Variants in CCSER1 observed in about 807,000 individuals in gnomAD.
The protein encoded by CCSER1 is coiled-coil serine rich protein 1.
In CCSER1, 41 loss-of-function variants were observed where a neutral mutation model predicts 82.0. The observed-to-expected ratio is 0.50, with a 90% CI of 0.39 to 0.65. CCSER1 has a LOEUF of 0.65. CCSER1 is among the 30% of genes least tolerant of loss of function. CCSER1 has a pLI of 0.00. For missense variants in CCSER1, 1,119 were observed against 1,064.2 expected (o/e 1.05, Z -0.72); for synonymous variants, 414 against 383.9 (o/e 1.08, Z -0.92).
intron 10 of CCSER1, among the ~76,000 whole-genome samples, chr4:91,453,488 T>C (rs1043975816): frequency 6.6e-6 from 1 of 152,052 alleles, no homozygotes; most frequent in Non-Finnish European, 1.5e-5. Flanking sequence ...CCAGAGCACT[T>C]TTCTCCTAAA....
intron 1 of CCSER1, among the ~76,000 whole-genome samples, chr4:90,210,445 CTTTTCTTTTTTT>C (rs1739751183): frequency 9.0e-6 from 1 of 111,310 alleles, no homozygotes; most frequent in South Asian, 3.2e-4. Context: ...CTTTTCTTTT[CTTTTCTTTTTTT>C]TTTTTGGACA....
intron 10 of CCSER1, among the ~76,000 whole-genome samples, chr4:91,504,588 C>T (rs766445148): frequency 6.6e-6 from 1 of 151,600 alleles, no homozygotes; most frequent in African/African-American, 2.4e-5. Context: ...TAAAATAATA[C>T]TAGATAATAA....
intron 5 of CCSER1, among the ~76,000 whole-genome samples, chr4:90,547,142 T>C (rs1776855736): frequency 2.0e-5 from 3 of 148,708 alleles, no homozygotes; most frequent in African/African-American, 7.5e-5. Context: ...TTTAGAAAAA[T>C]TAATTTCATG....
chr4:91,149,397 G>A (rs748898016), intron 10 of CCSER1, among the ~76,000 whole-genome samples: 45 of 152,308 alleles, frequency 3.0e-4, no homozygotes, highest in Non-Finnish European at 4.7e-4. Context: ...CAGATGGGTA[G>A]ATTGCAAAAA....
At chr4:90,230,756 T>G (rs1264697352) in intron 1 of CCSER1, among the ~76,000 whole-genome samples, 3 of 150,594 alleles carry the variant, frequency 2.0e-5, no homozygotes, top group Non-Finnish European at 4.4e-5. Context: ...GAGAGAAGAA[T>G]CAAATAGACG....
intron 10 of CCSER1, among the ~76,000 whole-genome samples, chr4:91,571,998 A>C (rs1230708350): frequency 6.6e-6 from 1 of 152,094 alleles, no homozygotes; most frequent in African/African-American, 2.4e-5. Context: ...GCAGTTCTGC[A>C]GCAGAGGCAG....
chr4:90,659,123 A>T (rs1396358645), intron 6 of CCSER1, among the ~76,000 whole-genome samples: 6 of 150,498 alleles, frequency 4.0e-5, no homozygotes, highest in Non-Finnish European at 7.4e-5. Flanking sequence ...AATAATGAAG[A>T]TCTACTCCTA....
intron 4 of CCSER1, among the ~76,000 whole-genome samples, chr4:90,408,129 C>A (rs866226153): frequency 1.3e-5 from 2 of 152,190 alleles, no homozygotes; most frequent in Non-Finnish European, 2.9e-5. Flanking sequence ...CTAAACAGAG[C>A]GGCTGGGAAG....
At chr4:90,612,260 T>G (rs920972633) in intron 5 of CCSER1, among the ~76,000 whole-genome samples, 4 of 152,156 alleles carry the variant, frequency 2.6e-5, no homozygotes, top group African/African-American at 9.6e-5. Context: ...GGTGGAATAC[T>G]AAAAAGATCA....
At chr4:91,213,127 T>C (rs1453735201) in intron 10 of CCSER1, among the ~76,000 whole-genome samples, 1 of 152,130 alleles carries the variant, frequency 6.6e-6, no homozygotes, top group Non-Finnish European at 1.5e-5. Context: ...CTTTTTTAAA[T>C]CTAATCCACT....
rs188755217 is a variant in CCSER1 at position 90,309,562 on chromosome 4, T to C, written c.1278T>C (p.His426=). The change falls in exon 2 of 11, where the codon CAT becomes CAC. Residue 426 remains histidine, a synonymous_variant. Transcript: ENST00000509176. ...TAATACCTACTTCTGGTGATCATCA[T>C]ATTTTTAACAAAACATCACATGGAT... is the stretch of plus-strand genomic sequence containing the variant. ...SKIIPTSGDH[H]IFNKTSHGYE... is the part of the protein sequence containing the mutation. The C allele has an allele frequency of 8.6e-4, 1,376 of 1,605,026 alleles. 1 individual carries two copies. Among genetic ancestry groups the C allele is most frequent in the Non-Finnish European group, 1.1e-3 (1,274 of 1,177,078 alleles).
At chr4:91,560,230 T>C (rs2110250610) in intron 10 of CCSER1, among the ~76,000 whole-genome samples, 1 of 151,652 alleles carries the variant, frequency 6.6e-6, no homozygotes, top group African/African-American at 2.4e-5. Context: ...TCCAATTCTT[T>C]CTCAGTTTAC....
intron 1 of CCSER1, among the ~76,000 whole-genome samples, chr4:90,144,191 C>G (rs1245481675): frequency 1.3e-5 from 2 of 152,160 alleles, no homozygotes; most frequent in African/African-American, 4.8e-5. Flanking sequence ...TAATTCACAG[C>G]TTTCCTGAAT....
At chr4:91,297,838 A>G (rs1002520835) in intron 10 of CCSER1, among the ~76,000 whole-genome samples, 1 of 152,060 alleles carries the variant, frequency 6.6e-6, no homozygotes, top group Non-Finnish European at 1.5e-5. Flanking sequence ...TACTTGAGGA[A>G]AAGTGGTAAA....
intron 5 of CCSER1, among the ~76,000 whole-genome samples, chr4:90,599,922 T>C (rs1783835392): frequency 6.6e-6 from 1 of 152,220 alleles, no homozygotes; most frequent in Non-Finnish European, 1.5e-5. Context: ...TTTCTGTCAC[T>C]AAACACTAAT....
intron 10 of CCSER1, among the ~76,000 whole-genome samples, chr4:91,233,986 C>A (rs185935061): frequency 2.6e-5 from 4 of 151,930 alleles, no homozygotes; most frequent in Admixed American, 2.6e-4. Flanking sequence ...GTGAACTCTT[C>A]TAGAAATGCA....
At chr4:90,344,913 T>C (rs1579298726) in intron 3 of CCSER1, among the ~76,000 whole-genome samples, 2 of 152,138 alleles carry the variant, frequency 1.3e-5, no homozygotes, top group Non-Finnish European at 2.9e-5. Flanking sequence ...TACTTTCTCG[T>C]TGTGTATAAA....
At chr4:90,683,814 A>T (rs898720060) in intron 6 of CCSER1, among the ~76,000 whole-genome samples, 1 of 152,142 alleles carries the variant, frequency 6.6e-6, no homozygotes, top group Non-Finnish European at 1.5e-5. Context: ...TGTCTCAAGT[A>T]GTAAACTAAT....
chr4:90,639,531 C>T lies in CCSER1; in HGVS notation c.1932+11299C>T, dbSNP rs137973931. 2.1e-3 allele frequency among the ~76,000 whole-genome samples: 322 copies of T among 151,914 alleles called. No individual in the cohort carries two copies. The Middle Eastern group carries it at 0.027, about 13-fold the overall frequency. ...CCAGGTGAGAACTCAGGGTGACAGACCAGAATGAAAGAAATTGAGATAGAA... is the reference window on the plus strand; with the variant it reads ...CCAGGTGAGAACTCAGGGTGACAGATCAGAATGAAAGAAATTGAGATAGAA... On this transcript the variant is annotated intron_variant, in intron 6 of 10. Transcript: ENST00000509176.
Sources: allele counts gnomAD v4.1 joint callset (sites outside exome capture counted in the v4.1 genomes callset), GRCh38; gene constraint gnomAD v4.1.1; transcripts MANE v1.5; gene names NCBI Gene and HGNC (gene_info 2026-07-23, HGNC 2026-07-21).